IFNAR1: variants seen among roughly 807,000 people sequenced by gnomAD.
The protein encoded by IFNAR1 is interferon alpha and beta receptor subunit 1.
In IFNAR1, 47 loss-of-function variants were observed where a neutral mutation model predicts 62.1. That is an observed-to-expected ratio of 0.76 (90% CI 0.60 to 0.97). The LOEUF (loss-of-function observed/expected upper bound fraction) is 0.97, where lower values mean the gene tolerates loss of function less well. IFNAR1 is among the 50% of genes least tolerant of loss of function. The pLI is 0.00. For missense variants in IFNAR1, 638 were observed against 654.5 expected (o/e 0.97, Z 0.27); for synonymous variants, 219 against 226.9 (o/e 0.97, Z 0.31).
chr21:33,324,562 C>T (rs16997869), upstream of IFNAR1: 34,497 of 155,860 alleles, frequency 0.22, 4,517 homozygotes, highest in Admixed American at 0.29. Context: ...GGGCCGCGAC[C>T]AGGAGCCCAC....
intron 1 of IFNAR1, among the ~76,000 whole-genome samples, chr21:33,332,867 AAGGAAC>A (rs1436255666): frequency 6.6e-6 from 1 of 152,218 alleles, no homozygotes; most frequent in Non-Finnish European, 1.5e-5. Flanking sequence ...GACATCATTA[AAGGAAC>A]AAACGTTCAT....
chr21:33,324,801 C>A, upstream of IFNAR1: 1 of 528,078 alleles, frequency 1.9e-6, no homozygotes, highest in Non-Finnish European at 3.4e-6. Flanking sequence ...AGGGGTGCTG[C>A]AATTAGGATG....
chr21:33,342,565 C>G (rs1204772764), intron 3 of IFNAR1, among the ~76,000 whole-genome samples: 1 of 150,232 alleles, frequency 6.7e-6, no homozygotes, highest in African/African-American at 2.4e-5. Context: ...CTCTTTTTGG[C>G]CAGGCGCGGT....
upstream of IFNAR1, chr21:33,324,895 G>GTGTGTGTGTGTGTGTGTA: frequency 1.6e-6 from 1 of 634,186 alleles, no homozygotes; most frequent in South Asian, 1.8e-5. Flanking sequence ...GAGGGGCGGT[G>GTGTGTGTGTGTGTGTGTA]TGTGTGTCAG....
At chr21:33,353,041 A>T in intron 9 of IFNAR1, 133 bp downstream of exon 9, 1 of 548,990 alleles carries the variant, frequency 1.8e-6, no homozygotes, top group Non-Finnish European at 3.0e-6. Flanking sequence ...TTTCTTCATG[A>T]ACTACATGAA....
chr21:33,359,675 C>G lies in IFNAR1; in HGVS notation c.*4126C>G, dbSNP rs2083482636. ...CAGTCTCACAGATAAGTAGATCTCT[C>G]CTGCTGTCTGGACACATTTCACTCG... On this transcript the variant is annotated 3_prime_UTR_variant, in exon 11 of 11. Transcript: ENST00000270139. 1 of 152,166 alleles carries G rather than the reference C, an allele frequency of 6.6e-6. No individual in the cohort carries two copies. Among genetic ancestry groups the G allele is most frequent in the Non-Finnish European group, 1.5e-5 (1 of 68,044 alleles). The allele number at this position is 152,166 out of a possible 1,614,324, so 9.4% of individuals were successfully genotyped here.
At chr21:33,349,667 G>C (rs931550175) in intron 8 of IFNAR1, 124 bp downstream of exon 8, 4 of 692,950 alleles carry the variant, frequency 5.8e-6, no homozygotes, top group Non-Finnish European at 9.3e-6. Context: ...GCAGTGGCCT[G>C]TAATCCCAGC....
Position 33,349,144 on chromosome 21 carries a change from C to T in IFNAR1, c.842C>T (p.Pro281Leu). 6.2e-7 allele frequency: 1 copy of T among 1,612,928 alleles called. No homozygotes were observed. Among genetic ancestry groups the T allele is most frequent in the South Asian group, 1.1e-5 (1 of 90,834 alleles). ...GNHLYKWKQIPDCENVKTTQC... is the reference protein window; with the variant it reads ...GNHLYKWKQILDCENVKTTQC... The stretch of plus-strand genomic sequence containing the variant: ...CATTTGTATAAATGGAAACAAATAC[C>T]TGACTGTGAAAATGTCAAAACTACC... Residue 281 changes from proline (P) to leucine (L), a missense_variant, in exon 7 of 11, where the codon CCT (proline) becomes CTT (leucine). Physicochemically the swap from Pro to Leu is moderately conservative, Grantham distance 98 (BLOSUM62 -3). Coordinates refer to ENST00000270139, the MANE Select transcript of IFNAR1 (RefSeq NM_000629.3).
chr21:33,325,970 G>A (rs1164535781), intron 1 of IFNAR1, among the ~76,000 whole-genome samples: 1 of 152,136 alleles, frequency 6.6e-6, no homozygotes, highest in Admixed American at 6.5e-5. Context: ...GTTGAGAGGA[G>A]AGGTCCATTC....
At chr21:33,351,890 T>G (rs773957721) in intron 8 of IFNAR1, among the ~76,000 whole-genome samples, 2 of 151,744 alleles carry the variant, frequency 1.3e-5, no homozygotes, top group Non-Finnish European at 2.9e-5. Flanking sequence ...ACAGACAGAG[T>G]CTAGCTATGT....
intron 8 of IFNAR1, among the ~76,000 whole-genome samples, chr21:33,350,155 A>G (rs1006226846): frequency 3.3e-5 from 5 of 150,784 alleles, no homozygotes; most frequent in Non-Finnish European, 7.4e-5. Flanking sequence ...TCTCAGCACT[A>G]TTGACGTTTG....
intron 1 of IFNAR1, among the ~76,000 whole-genome samples, chr21:33,328,316 G>C (rs17875873): frequency 0.017 from 2,521 of 152,210 alleles, 41 homozygotes; most frequent in Middle Eastern, 0.088. Flanking sequence ...CGTCTGTGTT[G>C]TTGTTAATGG....
chr21:33,354,429 A>G (rs1455723013), intron 10 of IFNAR1, among the ~76,000 whole-genome samples: 3 of 152,262 alleles, frequency 2.0e-5, no homozygotes, highest in African/African-American at 2.4e-5. Flanking sequence ...TGCGTTTGTC[A>G]GAACGTAATT....
chr21:33,353,072 A>T (rs1368629881), intron 9 of IFNAR1, among the ~76,000 whole-genome samples, 164 bp downstream of exon 9: 1 of 152,228 alleles, frequency 6.6e-6, no homozygotes, highest in South Asian at 2.1e-4. Flanking sequence ...ACTTTTTAGA[A>T]AATATTTGTA....
chr21:33,325,051 C>G lies in IFNAR1; in HGVS notation c.-5C>G. ...GTAACTGGTGGGATCTGCGGCGGCT[C>G]CCAGATGATGGTCGTCCTCCTGGGC... is the stretch of plus-strand genomic sequence containing the variant. On this transcript the variant is annotated 5_prime_UTR_variant, in exon 1 of 11. Coordinates refer to ENST00000270139, the MANE Select transcript of IFNAR1 (RefSeq NM_000629.3). 6 of 1,598,304 alleles carry G rather than the reference C, an allele frequency of 3.8e-6. No homozygotes were observed. The highest frequency in any genetic ancestry group is 5.1e-6 in the Non-Finnish European group (6 of 1,173,800).
rs2083477299 is a variant in IFNAR1, at chr21:33,359,207, G to A, written c.*3658G>A. On this transcript the variant is annotated 3_prime_UTR_variant, in exon 11 of 11. Transcript: ENST00000270139. ...AGAAGGACATAACCGTGTTTTCAGT[G>A]TTTCTATGGAACAAACTTGTACATT... 1 of 152,116 alleles carries A rather than the reference G, an allele frequency of 6.6e-6. No homozygotes were observed. Among genetic ancestry groups the A allele is most frequent in the Admixed American group, 6.5e-5 (1 of 15,276 alleles). 9.4% of individuals were successfully genotyped at this position (152,116 alleles called of 1,614,324 possible).
upstream of IFNAR1, chr21:33,324,833 G>C (rs1293816835): frequency 6.7e-5 from 38 of 570,114 alleles, no homozygotes; most frequent in Non-Finnish European, 3.1e-6. Flanking sequence ...GCTTGGAGAA[G>C]GGGTGCTAGC....
chr21:33,335,446 G>A (rs986888160), intron 1 of IFNAR1, 78 bp from the exon 2 acceptor site: 1 of 745,298 alleles, frequency 1.3e-6, no homozygotes, highest in Admixed American at 3.2e-5. Context: ...CTTTAATCAG[G>A]GATGTGAGGG....
intron 1 of IFNAR1, chr21:33,335,056 C>T: frequency 8.5e-7 from 1 of 1,179,238 alleles, no homozygotes; most frequent in Non-Finnish European, 1.3e-6. Context: ...AGGAGTACTG[C>T]AGGGAGGAAG....
Sources: gnomAD v4.1 joint callset for allele counts (sites outside exome capture counted in the v4.1 genomes callset) on GRCh38, gnomAD v4.1.1 for gene constraint, MANE v1.5 for transcripts, NCBI Gene and HGNC (gene_info 2026-07-23, HGNC 2026-07-21) for gene names.